Variants in CARMIL1 observed in about 807,000 individuals in gnomAD.
CARMIL1 encodes the protein capping protein regulator and myosin 1 linker 1, also known as F-actin-uncapping protein LRRC16A.
CARMIL1 carries 90 observed loss-of-function variants against 177.1 expected under a neutral mutation model. The ratio of observed to expected loss-of-function variants is 0.51; its 90% CI spans 0.43 to 0.61. CARMIL1 has a LOEUF of 0.61. Ranked by LOEUF, CARMIL1 falls within the 20% of genes least tolerant of loss-of-function variation. The probability of loss-of-function intolerance (pLI) is 0.00; values close to 1 mark genes in which losing one functional copy is unlikely to be tolerated. For synonymous variants in CARMIL1, 577 were observed against 606.2 expected, an observed-to-expected ratio of 0.95 and a Z score of 0.71; for missense variants, 1,380 against 1,667.0, an observed-to-expected ratio of 0.83 and a Z score of 3.00.
chr6:25,537,736 A>C (rs532996266), intron 24 of CARMIL1, 119 bp from the exon 25 acceptor site: 1 of 1,196,502 alleles, frequency 8.4e-7, no homozygotes, highest in African/African-American at 1.5e-5. Context: ...TGAGGTTTTC[A>C]TCCTTGTGCA....
At chr6:25,578,337 G>A (rs1812788935) in intron 29 of CARMIL1, among the ~76,000 whole-genome samples, 1 of 152,138 alleles carries the variant, frequency 6.6e-6, no homozygotes. Flanking sequence ...TTTCTGGGAT[G>A]TATTTCATCA....
At chr6:25,394,506 G>A (rs114271386) in intron 2 of CARMIL1, among the ~76,000 whole-genome samples, 284 of 152,288 alleles carry the variant, frequency 1.9e-3, no homozygotes, top group African/African-American at 6.6e-3. Context: ...GAAAAAAGAA[G>A]TAAGACACCA....
intron 2 of CARMIL1, among the ~76,000 whole-genome samples, chr6:25,310,310 G>A (rs546430589): frequency 2.6e-5 from 4 of 152,226 alleles, no homozygotes; most frequent in Admixed American, 6.5e-5. Flanking sequence ...GGGAGTCAGG[G>A]AAGGCTGCCC....
chr6:25,332,934 G>T (rs1785838090), intron 2 of CARMIL1, among the ~76,000 whole-genome samples: 2 of 152,112 alleles, frequency 1.3e-5, no homozygotes, highest in South Asian at 2.1e-4. Context: ...TAGTCCAGGG[G>T]GTGGACATAT....
chr6:25,343,776 T>C (rs76858624), intron 2 of CARMIL1, among the ~76,000 whole-genome samples: 1 of 152,080 alleles, frequency 6.6e-6, no homozygotes, highest in Non-Finnish European at 1.5e-5. Context: ...TCTCCTTGCT[T>C]TATTGGACAC....
chr6:25,537,075 C>G (rs1156467898), intron 24 of CARMIL1, among the ~76,000 whole-genome samples: 1 of 152,136 alleles, frequency 6.6e-6, no homozygotes. Context: ...AGAGCATAAT[C>G]TTAACCTTTC....
chr6:25,592,039 G>GT lies in CARMIL1; in HGVS notation c.3007-2366dup, dbSNP rs569966128. ...GAAGAAATTATACAAGTAAAACTTTGTTTTTTTTTTGTTTGTTTGTTTGTT... is the reference window on the plus strand; with the variant it reads ...GAAGAAATTATACAAGTAAAACTTTGTTTTTTTTTTTGTTTGTTTGTTTGTT... On this transcript the variant is annotated intron_variant, in intron 31 of 36. Transcript: ENST00000329474. 7.2e-3 allele frequency among the ~76,000 whole-genome samples: 1,075 copies of GT among 148,534 alleles called. 7 individuals are homozygous for GT. The highest frequency in any genetic ancestry group is 0.041 in the Middle Eastern group (12 of 292).
chr6:25,436,873 T>G lies in CARMIL1; in HGVS notation c.371+1269T>G, dbSNP rs898409249. Reference sequence around the variant, plus strand: ...GAGAGGGTGAGCTGGGGCTGCCCTCTGACTCCTGCTTGGCTAGAATTTCAG... The same window carrying G: ...GAGAGGGTGAGCTGGGGCTGCCCTCGGACTCCTGCTTGGCTAGAATTTCAG... On this transcript the variant is annotated intron_variant, in intron 5 of 36. Coordinates refer to ENST00000329474, the MANE Select transcript of CARMIL1 (RefSeq NM_017640.6). Among the ~76,000 whole-genome samples, 3 of 152,300 alleles carry G rather than the reference T, an allele frequency of 2.0e-5. No homozygotes were observed. In the East Asian group the frequency reaches 5.8e-4, roughly 29 times the overall value.
chr6:25,510,084 A>G (rs1373237370), intron 18 of CARMIL1, among the ~76,000 whole-genome samples: 3 of 152,194 alleles, frequency 2.0e-5, no homozygotes, highest in Admixed American at 2.0e-4. Context: ...AGCTTATTTC[A>G]TTAGCTTCAT....
At chr6:25,392,614 G>A (rs1389768244) in intron 2 of CARMIL1, among the ~76,000 whole-genome samples, 1 of 152,118 alleles carries the variant, frequency 6.6e-6, no homozygotes, top group Non-Finnish European at 1.5e-5. Context: ...TCAGATCTGT[G>A]TAACTGAACA....
chr6:25,281,116 G>T (rs1475840184), intron 1 of CARMIL1, among the ~76,000 whole-genome samples: 1 of 130,466 alleles, frequency 7.7e-6, no homozygotes, highest in Non-Finnish European at 1.6e-5. Context: ...ATTCACAGAC[G>T]CACGCGCGTG....
chr6:25,493,586 G>A (rs1348226923), intron 15 of CARMIL1, among the ~76,000 whole-genome samples: 2 of 152,154 alleles, frequency 1.3e-5, no homozygotes, highest in African/African-American at 4.8e-5. Flanking sequence ...CAGTCATATA[G>A]CAGAGAAAAA....
chr6:25,380,062 A>G (rs1297059587), intron 2 of CARMIL1, among the ~76,000 whole-genome samples: 1 of 151,878 alleles, frequency 6.6e-6, no homozygotes, highest in Non-Finnish European at 1.5e-5. Flanking sequence ...GCAAGAAAGG[A>G]TTTTCTTTAT....
At chr6:25,355,551 G>A (rs909149656) in intron 2 of CARMIL1, among the ~76,000 whole-genome samples, 1 of 152,282 alleles carries the variant, frequency 6.6e-6, no homozygotes, top group South Asian at 2.1e-4. Context: ...GAGTAGTTGC[G>A]TAGTCCCAGC....
At chr6:25,424,384 A>G (rs1796119570) in intron 3 of CARMIL1, among the ~76,000 whole-genome samples, 1 of 152,124 alleles carries the variant, frequency 6.6e-6, no homozygotes, top group Non-Finnish European at 1.5e-5. Flanking sequence ...CAGTAGACGC[A>G]TCTTAATTGA....
intron 35 of CARMIL1, 69 bp downstream of exon 35, chr6:25,606,342 C>G: frequency 6.9e-7 from 1 of 1,458,952 alleles, no homozygotes; most frequent in Non-Finnish European, 9.3e-7. Flanking sequence ...GGATCAGACT[C>G]TGCAGGTGGT....
chr6:25,620,256 G>T lies in CARMIL1; in HGVS notation c.*673G>T, dbSNP rs1759636426. The T allele has an allele frequency of 6.6e-6, 1 of 152,288 alleles. No homozygotes were observed. The highest frequency in any genetic ancestry group is 1.5e-5 in the Non-Finnish European group (1 of 68,024). 9.4% of individuals were successfully genotyped at this position (152,288 alleles called of 1,614,324 possible). ...CAACGAGCACAGCTAAGAACAGAGT[G>T]AGAGAGGCCCATGGCTGATTTTACC... On this transcript the variant is annotated 3_prime_UTR_variant, in exon 37 of 37. Transcript: ENST00000329474.
chr6:25,339,974 G>A (rs1260805137), intron 2 of CARMIL1, among the ~76,000 whole-genome samples: 1 of 152,142 alleles, frequency 6.6e-6, no homozygotes, highest in African/African-American at 2.4e-5. Flanking sequence ...CACTTTCCAA[G>A]ATCCCAACAT....
At position 25,594,635 on chromosome 6, in the gene CARMIL1, C is replaced by T. The variant is rs571070246; in HGVS notation, c.3119+108C>T. 11 of 670,198 alleles carry T rather than the reference C, an allele frequency of 1.6e-5. No individual in the cohort carries two copies. In the East Asian group the frequency reaches 3.1e-4, roughly 19 times the overall value. The allele number at this position is 670,198 out of a possible 1,614,324, so 41.5% of individuals were successfully genotyped here. ...AGTTTCATTTTATATATGGAAATTACTATTCTGACAGCTTGCAAAATATGG... is the reference window on the plus strand; with the variant it reads ...AGTTTCATTTTATATATGGAAATTATTATTCTGACAGCTTGCAAAATATGG... On this transcript the variant is annotated intron_variant, in intron 32 of 36. Coordinates refer to ENST00000329474, the MANE Select transcript of CARMIL1 (RefSeq NM_017640.6).
Sources: gnomAD v4.1 joint callset for allele counts (sites outside exome capture counted in the v4.1 genomes callset) on GRCh38, gnomAD v4.1.1 for gene constraint, MANE v1.5 for transcripts, NCBI Gene and HGNC (gene_info 2026-07-23, HGNC 2026-07-21) for gene names.